The following NEK11 variants were observed in gnomAD, a reference collection of about 807,000 sequenced individuals.
The protein encoded by NEK11 is serine/threonine-protein kinase Nek11.
Under a neutral mutation model 80.7 loss-of-function variants are expected in NEK11, and 72 were observed. The observed-to-expected ratio is 0.89, with a 90% confidence interval of 0.74 to 1.08. The LOEUF (loss-of-function observed/expected upper bound fraction) is 1.08, where lower values mean the gene tolerates loss of function less well. Among genes scored for constraint, NEK11 ranks in the 50% least tolerant of loss-of-function variants. The probability of loss-of-function intolerance (pLI) is 0.00; values close to 1 mark genes in which losing one functional copy is unlikely to be tolerated. For missense variants in NEK11, 764 were observed against 763.6 expected, an observed-to-expected ratio of 1.00 and a Z score of -0.01; for synonymous variants, 251 against 260.7, an observed-to-expected ratio of 0.96 and a Z score of 0.36.
chr3:131,332,170 G>C (rs1032950516), intron 17 of NEK11, among the ~76,000 whole-genome samples: 12 of 152,198 alleles, frequency 7.9e-5, no homozygotes, highest in African/African-American at 1.2e-4. Context: ...TCCTCAAGTG[G>C]GTCCCAGACC....
At chr3:131,200,946 G>C (rs986643998) in intron 14 of NEK11, among the ~76,000 whole-genome samples, 4 of 152,130 alleles carry the variant, frequency 2.6e-5, no homozygotes, top group Non-Finnish European at 5.9e-5. Context: ...TGCAGTAATA[G>C]CCTCTAGAAA....
At chr3:131,343,468 T>C (rs949883263) in intron 17 of NEK11, among the ~76,000 whole-genome samples, 1 of 152,202 alleles carries the variant, frequency 6.6e-6, no homozygotes, top group Non-Finnish European at 1.5e-5. Flanking sequence ...GGTTTTCCAT[T>C]TGAGAAAACA....
chr3:131,042,921 CAGCAATCTT>C (rs2066753616), intron 3 of NEK11, among the ~76,000 whole-genome samples: 1 of 152,192 alleles, frequency 6.6e-6, no homozygotes, highest in Non-Finnish European at 1.5e-5. Context: ...AAGGAACAGG[CAGCAATCTT>C]TGCTGTTCTG....
At chr3:131,247,702 T>C (rs1341352145) in intron 16 of NEK11, among the ~76,000 whole-genome samples, 1 of 151,796 alleles carries the variant, frequency 6.6e-6, no homozygotes, top group East Asian at 1.9e-4. Flanking sequence ...GAAGTCATTT[T>C]CACAATGTTG....
chr3:131,293,514 T>G (rs2096565124), intron 17 of NEK11, among the ~76,000 whole-genome samples: 1 of 151,682 alleles, frequency 6.6e-6, no homozygotes, highest in African/African-American at 2.4e-5. Context: ...AAACTTTTTA[T>G]GTGCATGTTT....
At chr3:131,096,728 AATTTT>A (rs778897373) in intron 4 of NEK11, among the ~76,000 whole-genome samples, 6 of 151,252 alleles carry the variant, frequency 4.0e-5, no homozygotes, top group African/African-American at 4.9e-5. Flanking sequence ...AATTTAATTT[AATTTT>A]ATTTTATTAT....
chr3:131,264,684 T>C (rs1389802056), intron 16 of NEK11, among the ~76,000 whole-genome samples: 1 of 152,178 alleles, frequency 6.6e-6, no homozygotes, highest in African/African-American at 2.4e-5. Flanking sequence ...TAGGATTGTC[T>C]TGGCAATGTG....
intron 14 of NEK11, among the ~76,000 whole-genome samples, chr3:131,215,208 G>C (rs1181980829): frequency 6.8e-6 from 1 of 147,828 alleles, no homozygotes; most frequent in Non-Finnish European, 1.5e-5. Flanking sequence ...TCACTCATAG[G>C]TGGGAATTGA....
chr3:131,222,450 G>A (rs76406596), intron 14 of NEK11, among the ~76,000 whole-genome samples: 1,976 of 152,234 alleles, frequency 0.013, 27 homozygotes, highest in Middle Eastern at 0.031. Context: ...ACTTTGGGCT[G>A]CTCACCCTTA....
rs933370689 is a variant in NEK11 at position 131,046,487 on chromosome 3, G to A, written c.170+16609G>A. Among the ~76,000 whole-genome samples the A allele has an allele frequency of 2.4e-4, 36 of 151,802 alleles. 1 individual carries two copies. Among genetic ancestry groups the A allele is most frequent in the Non-Finnish European group, 2.9e-5 (2 of 67,946 alleles). ...GAGAAATCTGCTGTTAATATGATAG[G>A]TTTTCCTTTATAGGTTACTTGATGC... On this transcript the variant is annotated intron_variant, in intron 3 of 17. Coordinates refer to ENST00000383366, the MANE Select transcript of NEK11 (RefSeq NM_024800.5).
At chr3:131,125,451 C>T (rs2083151636) in intron 5 of NEK11, among the ~76,000 whole-genome samples, 1 of 152,066 alleles carries the variant, frequency 6.6e-6, no homozygotes, top group Non-Finnish European at 1.5e-5. Context: ...TGAGAGTGAT[C>T]ATTTACTGAG....
chr3:131,238,018 C>G (rs1240861032), intron 15 of NEK11, among the ~76,000 whole-genome samples: 1 of 152,150 alleles, frequency 6.6e-6, no homozygotes, highest in Non-Finnish European at 1.5e-5. Context: ...TCTCTTCCAT[C>G]AACATGAGAA....
intron 14 of NEK11, among the ~76,000 whole-genome samples, chr3:131,215,283 G>C (rs1448974240): frequency 8.4e-6 from 1 of 119,346 alleles, no homozygotes; most frequent in South Asian, 3.3e-4. Context: ...TGGGGCGGGG[G>C]GAGGGGGAAG....
chr3:131,167,336 A>G (rs952953984), intron 12 of NEK11, among the ~76,000 whole-genome samples: 11 of 152,320 alleles, frequency 7.2e-5, no homozygotes, highest in African/African-American at 2.4e-4. Flanking sequence ...TTGAAAATTG[A>G]GAAGTACAGG....
At chr3:131,153,093 A>G (rs944159578) in intron 9 of NEK11, among the ~76,000 whole-genome samples, 1 of 152,162 alleles carries the variant, frequency 6.6e-6, no homozygotes, top group Non-Finnish European at 1.5e-5. Context: ...CTCAAAAATA[A>G]ATAAATAAAA....
At chr3:131,122,798 T>A (rs1300115009) in intron 5 of NEK11, among the ~76,000 whole-genome samples, 1 of 152,160 alleles carries the variant, frequency 6.6e-6, no homozygotes, top group Non-Finnish European at 1.5e-5. Flanking sequence ...CAGACTGTTC[T>A]TCATCCTAGC....
At chr3:131,166,492 G>A (rs2092248979) in intron 12 of NEK11, among the ~76,000 whole-genome samples, 1 of 152,224 alleles carries the variant, frequency 6.6e-6, no homozygotes, top group Non-Finnish European at 1.5e-5. Context: ...TAGGGGTTCT[G>A]TGTGCTTTGG....
chr3:131,045,572 T>G (rs562753211), intron 3 of NEK11, among the ~76,000 whole-genome samples: 1 of 152,342 alleles, frequency 6.6e-6, no homozygotes, highest in Admixed American at 6.5e-5. Context: ...GCTTATCATA[T>G]GGTCTGTCTT....
chr3:131,318,057 A>G (rs1326565966), intron 17 of NEK11, among the ~76,000 whole-genome samples: 1 of 151,972 alleles, frequency 6.6e-6, no homozygotes, highest in Non-Finnish European at 1.5e-5. Context: ...TTTTTCCTCT[A>G]TCTCTTCTCC....
Sources: gnomAD v4.1 joint callset for allele counts (sites outside exome capture counted in the v4.1 genomes callset) on GRCh38, gnomAD v4.1.1 for gene constraint, MANE v1.5 for transcripts, NCBI Gene and HGNC (gene_info 2026-07-23, HGNC 2026-07-21) for gene names.